Variants in OR2T11 observed in about 807,000 individuals in gnomAD.
OR2T11 encodes olfactory receptor 2T11.
OR2T11 carries 14 observed loss-of-function variants against 13.5 expected under a neutral mutation model. That is an observed-to-expected ratio of 1.04 (90% CI 0.69 to 1.62). The LOEUF (loss-of-function observed/expected upper bound fraction) is 1.62. OR2T11 is among the 40% of genes most tolerant of loss of function. The probability of loss-of-function intolerance (pLI) is 0.00; values close to 1 mark genes in which losing one functional copy is unlikely to be tolerated. For missense variants in OR2T11, 410 were observed against 389.7 expected (o/e 1.05, Z -0.44); for synonymous variants, 163 against 154.6 (o/e 1.05, Z -0.40).
chr1:248,629,776 C>T (rs1660578847), intron 1 of OR2T11, among the ~76,000 whole-genome samples: 1 of 140,876 alleles, frequency 7.1e-6, no homozygotes, highest in African/African-American at 2.9e-5. Flanking sequence ...CCCCACTTTG[C>T]AAGAGCCCTG....
chr1:248,630,076 C>G (rs1469422113), intron 1 of OR2T11, among the ~76,000 whole-genome samples: 2 of 131,240 alleles, frequency 1.5e-5, no homozygotes, highest in African/African-American at 6.1e-5. Context: ...TTGAATAAAT[C>G]ATTTTTAAAC....
rs2103101073 is a variant in OR2T11 at position 248,626,496 on chromosome 1, G to A, written c.633C>T (p.Ile211=). 8 of 1,572,078 alleles carry A rather than the reference G, an allele frequency of 5.1e-6. 1 individual carries two copies. In the East Asian group the frequency reaches 9.2e-5, roughly 18 times the overall value. Residue 211 remains isoleucine, a synonymous_variant, in exon 2 of 2, where the codon ATC becomes ATT. Transcript: ENST00000641193. ...ACAAGATGAGGGAGTAGGAAGTGGAGATGATAGAGATGGGGATGAGCAACA... is the reference window on the plus strand; with the variant it reads ...ACAAGATGAGGGAGTAGGAAGTGGAAATGATAGAGATGGGGATGAGCAACA... ...VLMLLIPISI[I]STSYSLILLT...
In OR2T11 at chr1:248,625,915, T is replaced by C. The variant is rs1185108033; in HGVS notation, c.*263A>G. 1 of 288,644 alleles carries C rather than the reference T, an allele frequency of 3.5e-6. No individual in the cohort carries two copies. The highest frequency in any genetic ancestry group is 6.3e-6 in the Non-Finnish European group (1 of 158,714). 17.9% of individuals were successfully genotyped at this position (288,644 alleles called of 1,614,324 possible). On this transcript the variant is annotated 3_prime_UTR_variant, in exon 2 of 2. Transcript: ENST00000641193. ...AGTGAAAGGTTGCTGTGAACTCTAA[T>C]ATTTGGGGTTTTTCTTCCCTAAATA...
Position 248,624,049 on chromosome 1 carries a change from G to GC in OR2T11, c.*2128dup, listed in dbSNP as rs1344241048. On this transcript the variant is annotated 3_prime_UTR_variant, in exon 2 of 2. Coordinates refer to ENST00000641193, the MANE Select transcript of OR2T11 (RefSeq NM_001001964.2). ...GGATCTTAGTTATAACACACGCTCT[G>GC]CCTGACCTCCTGCTATTGTCACTGA... 1.4e-5 allele frequency: 2 copies of GC among 140,640 alleles called. No individual in the cohort carries two copies. Among genetic ancestry groups the GC allele is most frequent in the South Asian group, 4.6e-4 (2 of 4,364 alleles). The allele number at this position is 140,640 out of a possible 1,614,324, so 8.7% of individuals were successfully genotyped here.
chr1:248,627,561 G>C (rs1421171943), intron 1 of OR2T11, among the ~76,000 whole-genome samples: 2 of 143,356 alleles, frequency 1.4e-5, no homozygotes, highest in Non-Finnish European at 3.0e-5. Flanking sequence ...ATGGATAAAG[G>C]GGAGTGAAGT....
Position 248,626,021 on chromosome 1 carries a change from A to G in OR2T11, c.*157T>C, listed in dbSNP as rs1385666828. ...AAAGATCTCTGCATAACAGTAAAAC[A>G]TCTTTCCCTTGCTCCCGAGGAGCAA... On this transcript the variant is annotated 3_prime_UTR_variant, in exon 2 of 2. Coordinates refer to ENST00000641193, the MANE Select transcript of OR2T11 (RefSeq NM_001001964.2). 1 of 540,108 alleles carries G rather than the reference A, an allele frequency of 1.9e-6. No homozygotes were observed. Among genetic ancestry groups the G allele is most frequent in the African/African-American group, 2.1e-5 (1 of 46,904 alleles). The allele number at this position is 540,108 out of a possible 1,614,324, so 33.5% of individuals were successfully genotyped here.
In OR2T11 at chr1:248,625,149, G is replaced by C. The variant is rs1391549936; in HGVS notation, c.*1029C>G. 7.0e-6 allele frequency: 1 copy of C among 143,274 alleles called. No homozygotes were observed. The highest frequency in any genetic ancestry group is 1.5e-5 in the Non-Finnish European group (1 of 66,236). The allele number at this position is 143,274 out of a possible 1,614,324, so 8.9% of individuals were successfully genotyped here. Reference sequence around the variant, plus strand: ...TATTCACTTGGGCCCAAACCAATAAGTTATCCTTCACTCTACACCTGTTGC... The same window carrying C: ...TATTCACTTGGGCCCAAACCAATAACTTATCCTTCACTCTACACCTGTTGC... On this transcript the variant is annotated 3_prime_UTR_variant, in exon 2 of 2. Transcript: ENST00000641193.
Position 248,627,015 on chromosome 1 carries a change from T to C in OR2T11, c.114A>G (p.Ala38=). 6.4e-7 allele frequency: 1 copy of C among 1,569,376 alleles called. No individual in the cohort carries two copies. The highest frequency in any genetic ancestry group is 1.1e-5 in the South Asian group (1 of 88,780). Residue 38 remains alanine, a synonymous_variant, in exon 2 of 2, where the codon GCA becomes GCG. Coordinates refer to ENST00000641193, the MANE Select transcript of OR2T11 (RefSeq NM_001001964.2). ...GAATCAAGAATATCATGACCAAATT[T>C]GCAGTCACGGCCCCCAAGAAAACAG... is the stretch of plus-strand genomic sequence containing the variant. ...ILAVFLGAVT[A]NLVMIFLIQV...
chr1:248,626,604 G>A lies in OR2T11; in HGVS notation c.525C>T (p.Phe175=). The stretch of plus-strand genomic sequence containing the variant: ...GTTTCAGAACTGCTGGGATCTCACA[G>A]AAAAAATGGTTGATACTTCGGGAGC... The part of the protein sequence containing the change: ...YCGSRSINHF[F]CEIPAVLKLA... Residue 175 remains phenylalanine (F), a synonymous_variant, in exon 2 of 2, where the codon TTC becomes TTT. Coordinates refer to ENST00000641193, the MANE Select transcript of OR2T11 (RefSeq NM_001001964.2). The A allele has an allele frequency of 1.9e-6, 3 of 1,573,272 alleles. 1 individual carries two copies. Among genetic ancestry groups the A allele is most frequent in the Non-Finnish European group, 2.6e-6 (3 of 1,156,780 alleles).
intron 1 of OR2T11, among the ~76,000 whole-genome samples, chr1:248,631,270 T>C (rs144933222): frequency 7.0e-6 from 1 of 143,718 alleles, no homozygotes; most frequent in East Asian, 2.0e-4. Flanking sequence ...CATGTTGCAA[T>C]AATGAATTGG....
At chr1:248,629,216 G>C (rs1465105760) in intron 1 of OR2T11, among the ~76,000 whole-genome samples, 1 of 142,182 alleles carries the variant, frequency 7.0e-6, no homozygotes, top group East Asian at 2.0e-4. Context: ...AGATGAGCCT[G>C]GGTAACAGAG....
At chr1:248,631,640 T>C (rs1660617227) in intron 1 of OR2T11, among the ~76,000 whole-genome samples, 1 of 143,348 alleles carries the variant, frequency 7.0e-6, no homozygotes, top group African/African-American at 2.8e-5. Context: ...AGCAATAAAG[T>C]GACAACATGA....
At chr1:248,632,434 A>AG (rs1052605128) in intron 1 of OR2T11, among the ~76,000 whole-genome samples, 4 of 135,694 alleles carry the variant, frequency 2.9e-5, no homozygotes, top group Admixed American at 2.9e-4. Flanking sequence ...GTAACACACT[A>AG]GATCACTTTC....
intron 1 of OR2T11, among the ~76,000 whole-genome samples, chr1:248,631,355 C>T (rs1157088669): frequency 7.0e-6 from 1 of 143,800 alleles, no homozygotes; most frequent in Admixed American, 6.8e-5. Context: ...GTGCTCTTCA[C>T]AGCACCTCGA....
At chr1:248,627,605 A>G (rs1382521227) in intron 1 of OR2T11, among the ~76,000 whole-genome samples, 1 of 143,500 alleles carries the variant, frequency 7.0e-6, no homozygotes, top group Non-Finnish European at 1.5e-5. Flanking sequence ...TAGGATAACT[A>G]TTAGGGAACG....
intron 1 of OR2T11, among the ~76,000 whole-genome samples, chr1:248,632,590 A>G (rs1348922700): frequency 3.0e-5 from 4 of 133,358 alleles, no homozygotes; most frequent in Non-Finnish European, 4.7e-5. Flanking sequence ...TCGTTATTGA[A>G]CTAAACATCT....
rs1660538758 is a variant in OR2T11, at chr1:248,627,169, A to G, written c.-41T>C. 2.6e-6 allele frequency: 3 copies of G among 1,144,334 alleles called. No homozygotes were observed. The highest frequency in any genetic ancestry group is 3.8e-6 in the Non-Finnish European group (3 of 787,512). 70.9% of individuals were successfully genotyped at this position (1,144,334 alleles called of 1,614,324 possible). ...GCGTCCCAGGGCAACGGGAAGACACAAGGACCAGGAAGGAGGCAAGAGAAC... is the reference window on the plus strand; with the variant it reads ...GCGTCCCAGGGCAACGGGAAGACACGAGGACCAGGAAGGAGGCAAGAGAAC... On this transcript the variant is annotated 5_prime_UTR_variant, in exon 2 of 2. Coordinates refer to ENST00000641193, the MANE Select transcript of OR2T11 (RefSeq NM_001001964.2).
chr1:248,634,833 G>A, intron 1 of OR2T11, among the ~76,000 whole-genome samples: 1 of 142,998 alleles, frequency 7.0e-6, no homozygotes, highest in Non-Finnish European at 1.5e-5. Flanking sequence ...TTTCCTTTAT[G>A]CTAAATAATT....
rs748771679 is a variant in OR2T11 at position 248,626,704 on chromosome 1, G to T, written c.425C>A (p.Ala142Asp). ...GGAGCCCCCAAACCAGGCACCAGCA[G>T]CCAGCAAAAGACACTTCTTGCGGTT... Reference protein sequence around the residue: ...LMNRKKCLLLAAGAWFGGSLD... With the variant: ...LMNRKKCLLLDAGAWFGGSLD... Residue 142 changes from alanine to aspartate, a missense_variant, in exon 2 of 2, where the codon GCT becomes GAT. Ala to Asp is a moderately radical substitution (Grantham distance 126). Coordinates refer to ENST00000641193, the MANE Select transcript of OR2T11 (RefSeq NM_001001964.2). The T allele has an allele frequency of 4.4e-6, 7 of 1,573,360 alleles. No homozygotes were observed. The Admixed American group carries it at 1.2e-4, about 27-fold the overall frequency.
Sources: gnomAD v4.1 joint callset for allele counts (sites outside exome capture counted in the v4.1 genomes callset) on GRCh38, gnomAD v4.1.1 for gene constraint, MANE v1.5 for transcripts, NCBI Gene and HGNC (gene_info 2026-07-23, HGNC 2026-07-21) for gene names.